Variants in SEPTIN11 observed in about 807,000 individuals in gnomAD.
SEPTIN11 encodes the protein septin 11.
A neutral mutation model predicts 51.4 loss-of-function variants in SEPTIN11; 25 were observed. That is an observed-to-expected ratio of 0.49 (90% CI 0.35 to 0.68). The LOEUF is 0.68. SEPTIN11 is among the 30% of genes least tolerant of loss of function. The probability of loss-of-function intolerance (pLI) is 0.00; values close to 1 mark genes in which losing one functional copy is unlikely to be tolerated. For synonymous variants in SEPTIN11, 174 were observed against 184.1 expected, an observed-to-expected ratio of 0.95 and a Z score of 0.44; for missense variants, 381 against 520.8, an observed-to-expected ratio of 0.73 and a Z score of 2.61.
rs1007149479 is a variant in SEPTIN11, at chr4:76,984,165, A to G, written c.28-12260A>G. ...TGGTCATTTCTGGTATAATTCCTCAATTTTCAGGTGCTGGAAATGTGTCAC... is the reference window on the plus strand; with the variant it reads ...TGGTCATTTCTGGTATAATTCCTCAGTTTTCAGGTGCTGGAAATGTGTCAC... On this transcript the variant is annotated intron_variant, in intron 1 of 9. Transcript: ENST00000264893. The surrounding 1 kb of genome is among the most constrained non-coding windows in gnomAD (Gnocchi z 4.1). 2.0e-5 allele frequency among the ~76,000 whole-genome samples: 3 copies of G among 152,138 alleles called. No individual in the cohort carries two copies. The highest frequency in any genetic ancestry group is 7.2e-5 in the African/African-American group (3 of 41,428).
chr4:76,965,981 A>C (rs190826270), intron 1 of SEPTIN11, among the ~76,000 whole-genome samples: 52 of 151,868 alleles, frequency 3.4e-4, no homozygotes, highest in Admixed American at 1.6e-3. Context: ...TTTCTGATGG[A>C]CAACTGCAAG....
At chr4:76,980,935 C>G (rs1722739846) in intron 1 of SEPTIN11, among the ~76,000 whole-genome samples, 1 of 152,180 alleles carries the variant, frequency 6.6e-6, no homozygotes, top group Admixed American at 6.5e-5. Flanking sequence ...TTGATTTTAG[C>G]TTAATGCTTC....
At chr4:76,981,520 C>T (rs1722769746) in intron 1 of SEPTIN11, among the ~76,000 whole-genome samples, 1 of 152,352 alleles carries the variant, frequency 6.6e-6, no homozygotes. Flanking sequence ...CTTTCTCTTA[C>T]ACCTAGGTGG....
At chr4:76,994,494 G>C (rs1416771296) in intron 1 of SEPTIN11, among the ~76,000 whole-genome samples, 2 of 152,160 alleles carry the variant, frequency 1.3e-5, no homozygotes, top group African/African-American at 4.8e-5. Flanking sequence ...ATGCCATCCT[G>C]GTCAAGGATA....
chr4:76,969,296 CA>C (rs1237355059), intron 1 of SEPTIN11, among the ~76,000 whole-genome samples: 3 of 152,130 alleles, frequency 2.0e-5, no homozygotes, highest in Admixed American at 2.0e-4. Context: ...ATTTGGGAGA[CA>C]GGGTGAATGA....
intron 7 of SEPTIN11, among the ~76,000 whole-genome samples, chr4:77,023,727 A>G (rs1725908218): frequency 6.6e-6 from 1 of 152,140 alleles, no homozygotes. Context: ...AATTTCGGGC[A>G]CCCTCAGCAC....
intron 7 of SEPTIN11, among the ~76,000 whole-genome samples, chr4:77,028,192 C>T (rs1726319847): frequency 6.6e-6 from 1 of 152,142 alleles, no homozygotes; most frequent in Non-Finnish European, 1.5e-5. Context: ...ACCTTGGAGG[C>T]TGAGGGAGGC....
At chr4:76,990,729 G>A (rs867337314) in intron 1 of SEPTIN11, among the ~76,000 whole-genome samples, 4 of 152,172 alleles carry the variant, frequency 2.6e-5, no homozygotes, top group Admixed American at 6.5e-5. Flanking sequence ...GTGCCACAAC[G>A]GTTGGGGACC....
At chr4:76,985,173 CAGAG>C (rs1722962238) in intron 1 of SEPTIN11, 1 of 152,194 alleles carries the variant, frequency 6.6e-6, no homozygotes, top group African/African-American at 2.4e-5. Context: ...CACTTGTGCT[CAGAG>C]AGAGACTGTG....
At chr4:76,979,833 C>T (rs886613962) in intron 1 of SEPTIN11, among the ~76,000 whole-genome samples, 6 of 149,354 alleles carry the variant, frequency 4.0e-5, no homozygotes, top group African/African-American at 1.2e-4. Flanking sequence ...TGCAGTGAGC[C>T]GAGAAACTCC....
chr4:76,951,529 A>G (rs1721344529), intron 1 of SEPTIN11, among the ~76,000 whole-genome samples: 1 of 152,138 alleles, frequency 6.6e-6, no homozygotes, highest in Admixed American at 6.5e-5. Flanking sequence ...TATCTGGTTA[A>G]ATTACTCCTC....
rs145834773 is a variant in SEPTIN11, at chr4:77,029,462, T to G, written c.1086+701T>G. On this transcript the variant is annotated intron_variant, in intron 8 of 9. Transcript: ENST00000264893. The stretch of plus-strand genomic sequence containing the variant: ...TCTAAGTGAAATCATTTAAATAAAT[T>G]TCCTCGTTTTCTTGTTTTAATTTAT... 1.9e-4 allele frequency among the ~76,000 whole-genome samples: 29 copies of G among 152,262 alleles called. No homozygotes were observed. In the East Asian group the frequency reaches 5.2e-3, roughly 27 times the overall value.
intron 3 of SEPTIN11, chr4:77,010,023 A>G (rs944709342): frequency 6.6e-6 from 1 of 152,232 alleles, no homozygotes; most frequent in Admixed American, 6.5e-5. Flanking sequence ...GTTTTTCTAA[A>G]AAGTCAGGCT....
At chr4:77,006,297 G>A (rs78066502) in intron 3 of SEPTIN11, among the ~76,000 whole-genome samples, 195 of 152,238 alleles carry the variant, frequency 1.3e-3, no homozygotes, top group African/African-American at 4.6e-3. Flanking sequence ...AGTACACTGA[G>A]TTTTTATAAT....
At position 76,991,664 on chromosome 4, in the gene SEPTIN11, C is replaced by T. The variant is rs1001351300; in HGVS notation, c.28-4761C>T. ...AACTTTAGCTTTCCTAAAAGGTACC[C>T]CCTGAATTTCCCTAGACAAAAACTA... On this transcript the variant is annotated intron_variant, in intron 1 of 9. Coordinates refer to ENST00000264893, the MANE Select transcript of SEPTIN11 (RefSeq NM_018243.4). Among the ~76,000 whole-genome samples the T allele has an allele frequency of 4.6e-5, 7 of 152,122 alleles. No homozygotes were observed. The South Asian group carries it at 1.2e-3, about 27-fold the overall frequency.
intron 1 of SEPTIN11, among the ~76,000 whole-genome samples, chr4:76,969,823 A>G (rs553028911): frequency 1.3e-5 from 2 of 152,314 alleles, no homozygotes; most frequent in African/African-American, 4.8e-5. Context: ...TTTTCTGACT[A>G]TTAGTTAAAA....
At chr4:76,952,453 C>A (rs934054647) in intron 1 of SEPTIN11, among the ~76,000 whole-genome samples, 1 of 152,160 alleles carries the variant, frequency 6.6e-6, no homozygotes, top group Non-Finnish European at 1.5e-5. Flanking sequence ...GAATAACTTA[C>A]CCTAAATTTT....
In SEPTIN11 at chr4:77,037,776, C is replaced by T; in HGVS notation, c.*3264C>T. On this transcript the variant is annotated 3_prime_UTR_variant, in exon 10 of 10. Transcript: ENST00000264893. ...TATTGGCAGTTCAGATTGTGTTTTCCCAACTTAGGCTCTTTATTAATTGGT... is the reference window on the plus strand; with the variant it reads ...TATTGGCAGTTCAGATTGTGTTTTCTCAACTTAGGCTCTTTATTAATTGGT... 2.0e-6 allele frequency: 2 copies of T among 985,808 alleles called. No homozygotes were observed. Among genetic ancestry groups the T allele is most frequent in the Non-Finnish European group, 2.4e-6 (2 of 829,922 alleles). 61.1% of individuals were successfully genotyped at this position (985,808 alleles called of 1,614,324 possible).
Position 77,034,785 on chromosome 4 carries a change from A to C in SEPTIN11, c.*273A>C. ...ATGCCTGTTCTGAATGGCAGCACGA[A>C]GCAGGCCTGTTACTTGTATGTCGCT... On this transcript the variant is annotated 3_prime_UTR_variant, in exon 10 of 10. Transcript: ENST00000264893. 8.7e-7 allele frequency: 1 copy of C among 1,149,472 alleles called. No individual in the cohort carries two copies. Among genetic ancestry groups the C allele is most frequent in the Non-Finnish European group, 1.1e-6 (1 of 935,418 alleles). 71.2% of individuals were successfully genotyped at this position (1,149,472 alleles called of 1,614,324 possible).
Sources: gnomAD v4.1 joint callset for allele counts (sites outside exome capture counted in the v4.1 genomes callset) on GRCh38, gnomAD v4.1.1 for gene constraint, Gnocchi (gnomAD v3.1) non-coding constraint, MANE v1.5 for transcripts, NCBI Gene and HGNC (gene_info 2026-07-23, HGNC 2026-07-21) for gene names.